SHCBP1L: variants seen among roughly 807,000 people sequenced by gnomAD.
SHCBP1L encodes SHC binding and spindle associated 1 like.
Under a neutral mutation model 62.5 loss-of-function variants are expected in SHCBP1L, and 67 were observed. The observed-to-expected ratio is 1.07, with a 90% CI of 0.88 to 1.31. SHCBP1L has a LOEUF of 1.31. SHCBP1L is among the 40% of genes most tolerant of loss of function. The pLI is 0.00. For missense variants in SHCBP1L, 823 were observed against 809.8 expected, an observed-to-expected ratio of 1.02 and a Z score of -0.20; for synonymous variants, 284 against 289.4, an observed-to-expected ratio of 0.98 and a Z score of 0.19.
At position 182,951,162 on chromosome 1, in the gene SHCBP1L, C is replaced by T. The variant is rs187053882; in HGVS notation, c.555+156G>A. Among the ~76,000 whole-genome samples, 4 of 152,126 alleles carry T rather than the reference C, an allele frequency of 2.6e-5. No homozygotes were observed. In the East Asian group the frequency reaches 7.7e-4, roughly 29 times the overall value. ...ATGGTTTACAGGCACTAATATTCCC[C>T]TAACCTTCTTTTTACACTATTAATT... On this transcript the variant is annotated intron_variant, in intron 2 of 9. Coordinates refer to ENST00000367547, the MANE Select transcript of SHCBP1L (RefSeq NM_030933.4).
rs1571334674 is a variant in SHCBP1L at position 182,904,343 on chromosome 1, A to G, written c.1424T>C (p.Met475Thr). The change falls in exon 8 of 10, where the codon ATG becomes ACG. Residue 475 changes from methionine to threonine, a missense_variant. Transcript: ENST00000367547. ...VVSKADNVKL[M>T]HLSLIQQGTV... ...CCCTTGTTGTATCAAAGATAGATGC[A>G]TTAGTTTCACATTGTCAGCTTTGGA... The G allele has an allele frequency of 6.2e-7, 1 of 1,614,206 alleles. No individual in the cohort carries two copies. Among genetic ancestry groups the G allele is most frequent in the Non-Finnish European group, 8.5e-7 (1 of 1,180,030 alleles).
intron 6 of SHCBP1L, among the ~76,000 whole-genome samples, chr1:182,917,669 A>G (rs1037353685): frequency 6.6e-6 from 1 of 152,166 alleles, no homozygotes; most frequent in Admixed American, 6.5e-5. Flanking sequence ...TCACATGGTC[A>G]TCCTTCTGTG....
intron 6 of SHCBP1L, among the ~76,000 whole-genome samples, chr1:182,921,319 C>T (rs1447783587): frequency 6.6e-6 from 1 of 152,120 alleles, no homozygotes; most frequent in East Asian, 1.9e-4. Context: ...AAATTCATTA[C>T]CACCAGACCT....
intron 6 of SHCBP1L, among the ~76,000 whole-genome samples, chr1:182,912,883 T>A (rs887814710): frequency 3.3e-5 from 5 of 151,622 alleles, no homozygotes; most frequent in African/African-American, 1.2e-4. Flanking sequence ...ACGCCTGTAA[T>A]CCTAGCACTT....
intron 2 of SHCBP1L, among the ~76,000 whole-genome samples, chr1:182,945,095 C>G (rs537917092): frequency 5.3e-5 from 8 of 151,412 alleles, no homozygotes; most frequent in African/African-American, 1.7e-4. Context: ...TCCCACGTAT[C>G]TGGGACTACA....
intron 6 of SHCBP1L, among the ~76,000 whole-genome samples, chr1:182,918,227 T>TATATATACACAC (rs1415367229): frequency 2.7e-5 from 4 of 146,422 alleles, no homozygotes; most frequent in Non-Finnish European, 3.0e-5. Flanking sequence ...TATATACACA[T>TATATATACACAC]ATATATATAC....
chr1:182,900,237 A>G lies in SHCBP1L; in HGVS notation c.1711-3T>C. 3.3e-6 allele frequency: 5 copies of G among 1,538,070 alleles called. No individual in the cohort carries two copies. The highest frequency in any genetic ancestry group is 4.4e-6 in the Non-Finnish European group (5 of 1,144,602). On this transcript the variant is annotated splice_polypyrimidine_tract_variant and splice_region_variant and intron_variant, in intron 9 of 9. Coordinates refer to ENST00000367547, the MANE Select transcript of SHCBP1L (RefSeq NM_030933.4). ...TTCAATTTGGGTGCTGGAAGAACCT[A>G]TTAAATTATTTGAGGAAATTAGTTT...
intron 6 of SHCBP1L, among the ~76,000 whole-genome samples, chr1:182,924,951 A>AAAGG (rs1553245976): frequency 7.3e-6 from 1 of 136,750 alleles, no homozygotes; most frequent in Non-Finnish European, 1.6e-5. Flanking sequence ...AGAAAGAAAG[A>AAAGG]AAGAAAGAAA....
intron 6 of SHCBP1L, among the ~76,000 whole-genome samples, chr1:182,924,181 G>A (rs1033348664): frequency 1.3e-5 from 2 of 151,976 alleles, no homozygotes; most frequent in African/African-American, 4.8e-5. Flanking sequence ...CAGCTAACGA[G>A]GGAAGTGAAA....
chr1:182,904,239 C>T lies in SHCBP1L; in HGVS notation c.1528G>A (p.Val510Met). Reference protein sequence around the residue: ...NCILKCEGTGVCVLTGAALTI... With the variant: ...NCILKCEGTGMCVLTGAALTI... ...AAAGCAGCCCCTGTAAGAACACACACTCCTGTTCCTTCACATTTTAATATG... is the reference window on the plus strand; with the variant it reads ...AAAGCAGCCCCTGTAAGAACACACATTCCTGTTCCTTCACATTTTAATATG... The change falls in exon 8 of 10, where the codon GTG becomes ATG. Residue 510 changes from valine (V) to methionine (M), a missense_variant. Val to Met is a conservative substitution (Grantham distance 21). Coordinates refer to ENST00000367547, the MANE Select transcript of SHCBP1L (RefSeq NM_030933.4). 3.7e-6 allele frequency: 6 copies of T among 1,614,168 alleles called. No individual in the cohort carries two copies. Among genetic ancestry groups the T allele is most frequent in the Non-Finnish European group, 5.1e-6 (6 of 1,180,022 alleles).
chr1:182,906,955 C>T (rs1650034328), intron 6 of SHCBP1L, among the ~76,000 whole-genome samples: 1 of 151,770 alleles, frequency 6.6e-6, no homozygotes, highest in African/African-American at 2.4e-5. Flanking sequence ...GTAGCTGGGA[C>T]TAGAGGCACA....
intron 5 of SHCBP1L, among the ~76,000 whole-genome samples, chr1:182,931,399 T>C (rs1188833453): frequency 6.6e-6 from 1 of 152,210 alleles, no homozygotes; most frequent in African/African-American, 2.4e-5. Flanking sequence ...TAAGGTATAA[T>C]TTACATACAA....
At position 182,949,627 on chromosome 1, in the gene SHCBP1L, G is replaced by A. The variant is rs540581892; in HGVS notation, c.555+1691C>T. 3.3e-5 allele frequency among the ~76,000 whole-genome samples: 5 copies of A among 151,616 alleles called. No individual in the cohort carries two copies. The South Asian group carries it at 1.0e-3, about 32-fold the overall frequency. On this transcript the variant is annotated intron_variant, in intron 2 of 9. Coordinates refer to ENST00000367547, the MANE Select transcript of SHCBP1L (RefSeq NM_030933.4). ...TGGGAGGACTGCTTGAAACCTAGAG[G>A]AAGAGGTTGCAGTGAGCTGAGATTG...
At chr1:182,940,572 ATATAGT>A (rs1651328044) in intron 2 of SHCBP1L, 29 bp from the exon 3 acceptor site, 3 of 1,577,330 alleles carry the variant, frequency 1.9e-6, no homozygotes, top group African/African-American at 1.4e-5. Flanking sequence ...GAGATAAGAG[ATATAGT>A]TATAAATATC....
rs570181647 is a variant in SHCBP1L at position 182,930,276 on chromosome 1, G to A, written c.1077-524C>T. ...CTTCTCTCTTAGTTGTTTTTATATT[G>A]TTTGCTATTCAGCACTTCTAATTAG... On this transcript the variant is annotated intron_variant, in intron 5 of 9. Coordinates refer to ENST00000367547, the MANE Select transcript of SHCBP1L (RefSeq NM_030933.4). Among the ~76,000 whole-genome samples the A allele has an allele frequency of 2.8e-4, 42 of 151,912 alleles. 1 individual carries two copies. The South Asian group carries it at 6.9e-3, about 25-fold the overall frequency.
chr1:182,951,394 ACT>A lies in SHCBP1L; in HGVS notation c.477_478del (p.Val160LeufsTer4). 1 of 1,609,080 alleles carries A rather than the reference ACT, an allele frequency of 6.2e-7. No individual in the cohort carries two copies. Among genetic ancestry groups the A allele is most frequent in the Non-Finnish European group, 8.5e-7 (1 of 1,177,054 alleles). ...GAATACACTGGGATTAGTCTTCCAG[ACT>A]CCAAGCCATTTGTCTTTCAACTTTA... On this transcript the variant is annotated frameshift_variant, in exon 2 of 10. Transcript: ENST00000367547. LOFTEE classifies it high-confidence loss of function.
chr1:182,950,092 T>G (rs1651697753), intron 2 of SHCBP1L, among the ~76,000 whole-genome samples: 1 of 152,218 alleles, frequency 6.6e-6, no homozygotes, highest in African/African-American at 2.4e-5. Context: ...CGCCATTCTT[T>G]ATCTGTAAAA....
chr1:182,951,339 A>G lies in SHCBP1L; in HGVS notation c.534T>C (p.Pro178=). 4 of 1,575,794 alleles carry G rather than the reference A, an allele frequency of 2.5e-6. No individual in the cohort carries two copies. Among genetic ancestry groups the G allele is most frequent in the Admixed American group, 1.9e-5 (1 of 53,654 alleles). ...FFVKYEEASI[P]FVGILVEVTC... Reference sequence around the variant, plus strand: ...TTACCTCAACCAATATACCAACAAAAGGGATAGAAGCTTCTTCATATTTCA... The same window carrying G: ...TTACCTCAACCAATATACCAACAAAGGGGATAGAAGCTTCTTCATATTTCA... Residue 178 remains proline (P), a synonymous_variant, in exon 2 of 10, where the codon CCT becomes CCC. Transcript: ENST00000367547.
intron 6 of SHCBP1L, among the ~76,000 whole-genome samples, chr1:182,913,668 T>C (rs373654259): frequency 6.6e-6 from 1 of 152,106 alleles, no homozygotes; most frequent in South Asian, 2.1e-4. Context: ...CATTAACAAA[T>C]ATTATAATCA....
Sources: gnomAD v4.1 joint callset for allele counts (sites outside exome capture counted in the v4.1 genomes callset) on GRCh38, gnomAD v4.1.1 for gene constraint, MANE v1.5 for transcripts, NCBI Gene and HGNC (gene_info 2026-07-23, HGNC 2026-07-21) for gene names.